The following SPOCK1 variants were observed in gnomAD, a reference collection of about 807,000 sequenced individuals.
SPOCK1 encodes SPARC (osteonectin), cwcv and kazal like domains proteoglycan 1.
SPOCK1 carries 23 observed loss-of-function variants against 55.3 expected under a neutral mutation model. The observed-to-expected ratio is 0.42, with a 90% CI of 0.30 to 0.59. The LOEUF (loss-of-function observed/expected upper bound fraction) is 0.59, where lower values mean the gene tolerates loss of function less well. Ranked by LOEUF, SPOCK1 falls within the 20% of genes least tolerant of loss-of-function variation. The pLI, the probability that SPOCK1 is intolerant of heterozygous loss-of-function variation, is 0.22. For synonymous variants in SPOCK1, 226 were observed against 221.0 expected (o/e 1.02, Z -0.20); for missense variants, 499 against 552.5 (o/e 0.90, Z 0.97).
At chr5:137,357,618 T>C (rs72796525) in intron 2 of SPOCK1, among the ~76,000 whole-genome samples, 1 of 152,166 alleles carries the variant, frequency 6.6e-6, no homozygotes, top group South Asian at 2.1e-4. Context: ...CATGCACATA[T>C]GGGGAACGGC....
chr5:137,390,358 T>G (rs928189722), intron 2 of SPOCK1, among the ~76,000 whole-genome samples: 1 of 152,192 alleles, frequency 6.6e-6, no homozygotes, highest in South Asian at 2.1e-4. Context: ...CCTCCCAGCC[T>G]AACTCATATA....
chr5:137,171,386 G>A (rs933774962), intron 3 of SPOCK1, among the ~76,000 whole-genome samples: 2 of 152,044 alleles, frequency 1.3e-5, no homozygotes, highest in Non-Finnish European at 2.9e-5. Context: ...ACTTCCATGG[G>A]CCTGATACAG....
intron 2 of SPOCK1, among the ~76,000 whole-genome samples, chr5:137,358,887 G>A (rs1696037979): frequency 1.4e-5 from 2 of 144,966 alleles, no homozygotes; most frequent in South Asian, 4.5e-4. Context: ...CAAGACTCTA[G>A]GTACCCTGAA....
At position 137,300,127 on chromosome 5, in the gene SPOCK1, T is replaced by C. The variant is rs541582480; in HGVS notation, c.187-33072A>G. 4.6e-5 allele frequency among the ~76,000 whole-genome samples: 7 copies of C among 152,332 alleles called. No homozygotes were observed. In the East Asian group the frequency reaches 1.3e-3, roughly 29 times the overall value. ...CTTTTTCAGATTGGGTAAGTTTTTA[T>C]TGATGTAAGTCTAGATTCAGTGACT... is the stretch of plus-strand genomic sequence containing the variant. On this transcript the variant is annotated intron_variant, in intron 2 of 10. Transcript: ENST00000394945.
intron 2 of SPOCK1, among the ~76,000 whole-genome samples, chr5:137,420,994 G>A (rs1192869528): frequency 6.6e-6 from 1 of 152,124 alleles, no homozygotes; most frequent in East Asian, 1.9e-4. Context: ...CTGGTATGTT[G>A]TGTCTTTGTT....
chr5:137,432,975 C>T (rs1230083858), intron 2 of SPOCK1, among the ~76,000 whole-genome samples: 1 of 152,166 alleles, frequency 6.6e-6, no homozygotes, highest in Admixed American at 6.5e-5. Context: ...ATCCATGCAG[C>T]AAACAAGCAT....
intron 5 of SPOCK1, among the ~76,000 whole-genome samples, chr5:137,089,951 C>A (rs190869299): frequency 4.6e-5 from 7 of 152,282 alleles, no homozygotes; most frequent in Non-Finnish European, 1.0e-4. Flanking sequence ...CCACAGAGGC[C>A]ACTGGCAGGC....
chr5:137,107,032 C>G (rs1753384785), intron 5 of SPOCK1, among the ~76,000 whole-genome samples: 1 of 152,286 alleles, frequency 6.6e-6, no homozygotes, highest in Admixed American at 6.5e-5. Flanking sequence ...AAGATCTCAC[C>G]TGAACCATCG....
intron 5 of SPOCK1, among the ~76,000 whole-genome samples, chr5:137,092,539 T>G (rs1327989725): frequency 6.6e-6 from 1 of 152,228 alleles, no homozygotes; most frequent in Non-Finnish European, 1.5e-5. Context: ...AGACGTTCTC[T>G]TACTGTGTGC....
At chr5:137,094,124 A>C (rs1753099033) in intron 5 of SPOCK1, among the ~76,000 whole-genome samples, 1 of 152,196 alleles carries the variant, frequency 6.6e-6, no homozygotes, top group Non-Finnish European at 1.5e-5. Flanking sequence ...AGAGAAAATC[A>C]ACAAAGATGA....
At chr5:137,168,578 C>T (rs1754692711) in intron 3 of SPOCK1, among the ~76,000 whole-genome samples, 1 of 152,014 alleles carries the variant, frequency 6.6e-6, no homozygotes, top group South Asian at 2.1e-4. Context: ...GAAGACTATA[C>T]AAATGGCAAG....
chr5:137,144,854 A>C (rs1561625926), intron 3 of SPOCK1, among the ~76,000 whole-genome samples: 3 of 152,208 alleles, frequency 2.0e-5, no homozygotes, highest in Admixed American at 2.0e-4. Context: ...CAGAGTTCAA[A>C]GTTTCCTTGT....
intron 6 of SPOCK1, among the ~76,000 whole-genome samples, chr5:137,007,857 C>G (rs1293159935): frequency 2.0e-5 from 3 of 152,012 alleles, no homozygotes; most frequent in African/African-American, 7.2e-5. Context: ...TATTGTGGCA[C>G]TATTCACAAT....
intron 3 of SPOCK1, among the ~76,000 whole-genome samples, chr5:137,257,334 T>TG (rs1308049859): frequency 2.6e-5 from 4 of 152,332 alleles, no homozygotes; most frequent in South Asian, 2.1e-4. Flanking sequence ...TCCAATGTGG[T>TG]GGCATTAGAG....
At chr5:137,082,932 C>T (rs1752899535) in intron 5 of SPOCK1, among the ~76,000 whole-genome samples, 1 of 152,128 alleles carries the variant, frequency 6.6e-6, no homozygotes, top group Non-Finnish European at 1.5e-5. Flanking sequence ...TTAATCAGGC[C>T]AAAATTCATT....
chr5:137,254,926 C>G (rs551246025), intron 3 of SPOCK1, among the ~76,000 whole-genome samples: 1 of 152,310 alleles, frequency 6.6e-6, no homozygotes, highest in African/African-American at 2.4e-5. Context: ...CCAGGAAAAG[C>G]CCAGAACTCT....
At chr5:137,200,876 C>T (rs892613) in intron 3 of SPOCK1, among the ~76,000 whole-genome samples, 60,252 of 151,770 alleles carry the variant, frequency 0.4, 13,115 homozygotes, top group Non-Finnish European at 0.48. Flanking sequence ...AACCCAGAGC[C>T]GATTCTAGAA....
chr5:137,027,901 G>A (rs374317176), intron 6 of SPOCK1, among the ~76,000 whole-genome samples: 3 of 152,300 alleles, frequency 2.0e-5, no homozygotes, highest in South Asian at 2.1e-4. Flanking sequence ...TGAGAACCAC[G>A]GGGTGAACCA....
chr5:137,225,615 C>T (rs17171102), intron 3 of SPOCK1, among the ~76,000 whole-genome samples: 3,342 of 152,248 alleles, frequency 0.022, 126 homozygotes, highest in African/African-American at 0.076. Flanking sequence ...CACGATGCCT[C>T]GACATACACA....
Sources: allele counts gnomAD v4.1 joint callset (sites outside exome capture counted in the v4.1 genomes callset), GRCh38; gene constraint gnomAD v4.1.1; transcripts MANE v1.5; gene names NCBI Gene and HGNC (gene_info 2026-07-23, HGNC 2026-07-21).